Variants in NCALD observed in about 807,000 individuals in gnomAD.
NCALD encodes neurocalcin delta.
In NCALD, 10 loss-of-function variants were observed where a neutral mutation model predicts 18.6. The observed-to-expected ratio is 0.54, with a 90% CI of 0.33 to 0.91. NCALD has a LOEUF of 0.91. Among genes scored for constraint, NCALD ranks in the 40% least tolerant of loss-of-function variants. The probability of loss-of-function intolerance (pLI) is 0.03; values close to 1 mark genes in which losing one functional copy is unlikely to be tolerated. For synonymous variants in NCALD, 88 were observed against 87.4 expected, an observed-to-expected ratio of 1.01 and a Z score of -0.04; for missense variants, 184 against 247.6, an observed-to-expected ratio of 0.74 and a Z score of 1.72.
At chr8:102,123,471 A>C (rs1826003981) in intron 1 of NCALD, among the ~76,000 whole-genome samples, 1 of 151,412 alleles carries the variant, frequency 6.6e-6, no homozygotes, top group Admixed American at 6.6e-5. Context: ...AAAAAAAAAA[A>C]AAAAACTTGT....
At chr8:101,774,322 G>C (rs1219115750) in intron 1 of NCALD, among the ~76,000 whole-genome samples, 1 of 152,110 alleles carries the variant, frequency 6.6e-6, no homozygotes, top group Non-Finnish European at 1.5e-5. Flanking sequence ...GCTTAAAGAA[G>C]GCGGAGACCT....
chr8:101,840,422 G>GGCTTTGC (rs1260812426), intron 4 of NCALD, among the ~76,000 whole-genome samples: 1,952 of 152,242 alleles, frequency 0.013, 16 homozygotes, highest in African/African-American at 0.014. Context: ...CTGAAAAACA[G>GGCTTTGC]AAAATGCTTT....
intron 1 of NCALD, among the ~76,000 whole-genome samples, chr8:102,080,290 T>C (rs959841797): frequency 1.3e-5 from 2 of 152,238 alleles, no homozygotes; most frequent in African/African-American, 4.8e-5. Context: ...CCAACCTTTA[T>C]AGCTTAATGC....
intron 4 of NCALD, among the ~76,000 whole-genome samples, chr8:101,881,755 C>T (rs772691892): frequency 3.3e-5 from 5 of 152,136 alleles, no homozygotes; most frequent in African/African-American, 4.8e-5. Context: ...CATATTATCA[C>T]GTTAGAATTT....
At chr8:101,898,582 T>G (rs1247902611) in intron 3 of NCALD, among the ~76,000 whole-genome samples, 1 of 152,176 alleles carries the variant, frequency 6.6e-6, no homozygotes, top group African/African-American at 2.4e-5. Flanking sequence ...TAGGAACTCT[T>G]CAACAGTCCA....
At chr8:102,019,041 C>T (rs1033843119) in intron 2 of NCALD, among the ~76,000 whole-genome samples, 23 of 151,890 alleles carry the variant, frequency 1.5e-4, no homozygotes, top group African/African-American at 5.3e-4. Context: ...ATTAAAAATG[C>T]CTACAACTCA....
intron 3 of NCALD, among the ~76,000 whole-genome samples, chr8:101,891,112 T>G (rs1439239598): frequency 1.3e-5 from 2 of 152,226 alleles, no homozygotes; most frequent in African/African-American, 4.8e-5. Context: ...ATGAACAATA[T>G]TTGTGTTGAG....
At chr8:102,029,071 G>A (rs539348298) in intron 1 of NCALD, 1 of 152,248 alleles carries the variant, frequency 6.6e-6, no homozygotes, top group African/African-American at 2.4e-5. Flanking sequence ...TGGAGGAGGA[G>A]GAATTTTAAA....
chr8:101,984,845 AGG>A (rs909068430), intron 2 of NCALD, among the ~76,000 whole-genome samples: 6 of 152,150 alleles, frequency 3.9e-5, no homozygotes, highest in African/African-American at 7.2e-5. Context: ...AACTCTACCC[AGG>A]GGGTACCCAC....
intron 1 of NCALD, among the ~76,000 whole-genome samples, chr8:102,088,894 G>C (rs1563607752): frequency 6.6e-6 from 1 of 152,210 alleles, no homozygotes; most frequent in Non-Finnish European, 1.5e-5. Context: ...TTATGAGACA[G>C]TTCTGGTGTG....
At chr8:101,757,372 C>T (rs73699935) in intron 1 of NCALD, among the ~76,000 whole-genome samples, 2,623 of 152,254 alleles carry the variant, frequency 0.017, 95 homozygotes, top group East Asian at 0.11. Flanking sequence ...TCCAACTGTT[C>T]GCTCCATTGT....
chr8:101,801,591 C>A (rs1812854638), intron 4 of NCALD, among the ~76,000 whole-genome samples: 1 of 134,416 alleles, frequency 7.4e-6, no homozygotes, highest in Non-Finnish European at 1.6e-5. Context: ...CAATGCATTT[C>A]TCAGTTGTCC....
intron 4 of NCALD, among the ~76,000 whole-genome samples, chr8:101,812,389 T>G (rs1378052623): frequency 6.6e-6 from 1 of 152,154 alleles, no homozygotes. Flanking sequence ...AAAGTCAATA[T>G]CCTCTGAGCT....
intron 4 of NCALD, among the ~76,000 whole-genome samples, chr8:101,870,955 G>A (rs1208649175): frequency 1.6e-5 from 2 of 126,860 alleles, no homozygotes; most frequent in East Asian, 2.3e-4. Flanking sequence ...ACATCTGGTC[G>A]AAATTGACCT....
chr8:101,938,061 GACTT>G (rs1818826033), intron 2 of NCALD, among the ~76,000 whole-genome samples: 1 of 152,138 alleles, frequency 6.6e-6, no homozygotes, highest in Non-Finnish European at 1.5e-5. Context: ...GATGCGCCAT[GACTT>G]GTTCTTTATG....
intron 4 of NCALD, among the ~76,000 whole-genome samples, chr8:101,879,511 A>G (rs1816385932): frequency 6.6e-6 from 1 of 152,204 alleles, no homozygotes; most frequent in African/African-American, 2.4e-5. Flanking sequence ...AGACCCAAAG[A>G]GCAAGCAACA....
intron 1 of NCALD, among the ~76,000 whole-genome samples, chr8:101,737,965 G>A (rs1266663114): frequency 6.6e-6 from 1 of 152,186 alleles, no homozygotes; most frequent in Non-Finnish European, 1.5e-5. Flanking sequence ...AAATATTGGT[G>A]TTAGGTGAAT....
At chr8:101,993,978 G>A (rs1181555734) in intron 2 of NCALD, among the ~76,000 whole-genome samples, 1 of 152,168 alleles carries the variant, frequency 6.6e-6, no homozygotes, top group Non-Finnish European at 1.5e-5. Flanking sequence ...CCAGACTCTG[G>A]ACTGATGAAA....
chr8:101,906,000 C>A (rs1817598709), intron 3 of NCALD, among the ~76,000 whole-genome samples: 2 of 152,186 alleles, frequency 1.3e-5, no homozygotes, highest in South Asian at 4.1e-4. Flanking sequence ...ATCCATGAAT[C>A]ATTTATGTGA....
Sources: allele counts gnomAD v4.1 joint callset (sites outside exome capture counted in the v4.1 genomes callset), GRCh38; gene constraint gnomAD v4.1.1; transcripts MANE v1.5; gene names NCBI Gene and HGNC (gene_info 2026-07-23, HGNC 2026-07-21).